Variants in ZDHHC17 observed in about 807,000 individuals in gnomAD.
The protein encoded by ZDHHC17 is palmitoyltransferase ZDHHC17.
ZDHHC17 carries 40 observed loss-of-function variants against 90.3 expected under a neutral mutation model. The ratio of observed to expected loss-of-function variants is 0.44; its 90% CI spans 0.34 to 0.58. The LOEUF (loss-of-function observed/expected upper bound fraction) is 0.58, where lower values mean the gene tolerates loss of function less well. ZDHHC17 is among the 20% of genes least tolerant of loss of function. The pLI is 0.01. For missense variants in ZDHHC17, 614 were observed against 780.8 expected, an observed-to-expected ratio of 0.79 and a Z score of 2.55; for synonymous variants, 235 against 252.4, an observed-to-expected ratio of 0.93 and a Z score of 0.65.
intron 1 of ZDHHC17, among the ~76,000 whole-genome samples, chr12:76,785,043 C>T (rs1486840514): frequency 2.0e-5 from 3 of 152,204 alleles, no homozygotes; most frequent in Non-Finnish European, 2.9e-5. Flanking sequence ...TATGACAATG[C>T]TCCTGCTAAT....
intron 1 of ZDHHC17, among the ~76,000 whole-genome samples, chr12:76,773,543 G>T (rs1374633906): frequency 6.6e-6 from 1 of 152,164 alleles, no homozygotes; most frequent in Admixed American, 6.5e-5. Flanking sequence ...TCTGCAAAGT[G>T]TATATGTTGA....
intron 15 of ZDHHC17, among the ~76,000 whole-genome samples, 198 bp from the exon 16 acceptor site, chr12:76,849,178 A>C (rs1403890766): frequency 1.4e-4 from 14 of 103,678 alleles, no homozygotes; most frequent in Non-Finnish European, 2.3e-4. Context: ...GGCATGGTGC[A>C]TGCGCCTGTA....
intron 11 of ZDHHC17, among the ~76,000 whole-genome samples, chr12:76,842,363 G>A (rs1047558952): frequency 1.3e-5 from 2 of 152,060 alleles, no homozygotes; most frequent in East Asian, 1.9e-4. Flanking sequence ...GGGTGAATAC[G>A]GTGTCTTAAA....
At chr12:76,839,348 A>G (rs1226227343) in intron 10 of ZDHHC17, among the ~76,000 whole-genome samples, 1 of 151,694 alleles carries the variant, frequency 6.6e-6, no homozygotes, top group Non-Finnish European at 1.5e-5. Context: ...CGCCAGAATC[A>G]TCATCTTTTT....
chr12:76,823,135 C>A, intron 8 of ZDHHC17, among the ~76,000 whole-genome samples: 1 of 152,118 alleles, frequency 6.6e-6, no homozygotes, highest in Non-Finnish European at 1.5e-5. Flanking sequence ...ATTGATTCAA[C>A]TGGCCTTTGT....
chr12:76,814,231 G>A (rs192238135), intron 5 of ZDHHC17, among the ~76,000 whole-genome samples: 15 of 152,002 alleles, frequency 9.9e-5, no homozygotes, highest in Admixed American at 9.2e-4. Context: ...AAGAGTTTCG[G>A]TTTAATAGGT....
chr12:76,809,181 C>A, intron 4 of ZDHHC17, 61 bp downstream of exon 4: 1 of 1,213,718 alleles, frequency 8.2e-7, no homozygotes, highest in Non-Finnish European at 1.1e-6. Flanking sequence ...AAATAAACAA[C>A]TTTAAAAAAA....
intron 1 of ZDHHC17, among the ~76,000 whole-genome samples, chr12:76,773,314 G>A (rs12371855): frequency 0.011 from 1,680 of 152,088 alleles, 11 homozygotes; most frequent in Non-Finnish European, 0.017. Flanking sequence ...TTTTTCCAGA[G>A]TATCTTATAG....
At chr12:76,782,239 T>C (rs746755081) in intron 1 of ZDHHC17, among the ~76,000 whole-genome samples, 3 of 152,318 alleles carry the variant, frequency 2.0e-5, no homozygotes, top group Non-Finnish European at 2.9e-5. Context: ...GGAAGGAAGA[T>C]GGTCCTTTAG....
intron 1 of ZDHHC17, among the ~76,000 whole-genome samples, chr12:76,782,416 A>G (rs2137725382): frequency 6.6e-6 from 1 of 152,362 alleles, no homozygotes; most frequent in South Asian, 2.1e-4. Flanking sequence ...GAATAAATGT[A>G]ACAGATATAT....
intron 5 of ZDHHC17, among the ~76,000 whole-genome samples, chr12:76,814,338 G>GT (rs1953059227): frequency 6.6e-6 from 1 of 151,722 alleles, no homozygotes. Context: ...AAAAATAGTG[G>GT]TTTATTACAT....
intron 2 of ZDHHC17, among the ~76,000 whole-genome samples, chr12:76,800,830 C>T (rs1952877702): frequency 1.3e-5 from 2 of 149,900 alleles, no homozygotes; most frequent in South Asian, 4.2e-4. Context: ...GAGTTTAATC[C>T]ATTTACATTT....
intron 1 of ZDHHC17, among the ~76,000 whole-genome samples, chr12:76,773,772 A>C (rs925116732): frequency 6.6e-6 from 1 of 152,214 alleles, no homozygotes; most frequent in Non-Finnish European, 1.5e-5. Flanking sequence ...AGAGTTAACT[A>C]TCAGTTCTTC....
chr12:76,792,460 T>C (rs917735452), intron 1 of ZDHHC17, among the ~76,000 whole-genome samples: 1 of 152,192 alleles, frequency 6.6e-6, no homozygotes, highest in African/African-American at 2.4e-5. Context: ...TATAAACTAG[T>C]ATTTGCCCTA....
chr12:76,849,341 A>AAC, intron 15 of ZDHHC17, 35 bp from the exon 16 acceptor site: 1 of 1,118,996 alleles, frequency 8.9e-7, no homozygotes, highest in South Asian at 1.5e-5. Context: ...AAAAAAAAAA[A>AAC]CAAGAATAAT....
At chr12:76,793,721 C>T (rs1191733645) in intron 1 of ZDHHC17, among the ~76,000 whole-genome samples, 2 of 152,170 alleles carry the variant, frequency 1.3e-5, no homozygotes, top group Non-Finnish European at 2.9e-5. Context: ...GCCTCTCAGT[C>T]GTGGATTTTT....
At chr12:76,845,381 T>C (rs1953482665) in intron 12 of ZDHHC17, 1 of 157,262 alleles carries the variant, frequency 6.4e-6, no homozygotes, top group South Asian at 2.0e-4. Context: ...TATGTTTTTA[T>C]TACTCAGAAA....
chr12:76,783,332 C>T (rs1952648721), intron 1 of ZDHHC17, among the ~76,000 whole-genome samples: 1 of 152,144 alleles, frequency 6.6e-6, no homozygotes, highest in East Asian at 1.9e-4. Flanking sequence ...GGGGAGGCCT[C>T]AGGAAACTTG....
At chr12:76,808,943 T>G (rs2137761182) in intron 3 of ZDHHC17, 100 bp from the exon 4 acceptor site, 635 of 637,598 alleles carry the variant, frequency 1.0e-3, no homozygotes, top group Middle Eastern at 1.5e-3. Context: ...CAAACTAGCA[T>G]GAGATCTGAA....
Sources: gnomAD v4.1 joint callset for allele counts (sites outside exome capture counted in the v4.1 genomes callset) on GRCh38, gnomAD v4.1.1 for gene constraint, MANE v1.5 for transcripts, NCBI Gene and HGNC (gene_info 2026-07-23, HGNC 2026-07-21) for gene names.